TRPM3: variants seen among roughly 807,000 people sequenced by gnomAD.
The protein encoded by TRPM3 is transient receptor potential cation channel subfamily M member 3, also known as long transient receptor potential channel 3.
TRPM3 carries 77 observed loss-of-function variants against 181.2 expected under a neutral mutation model. The ratio of observed to expected loss-of-function variants is 0.42; its 90% CI spans 0.35 to 0.51. The LOEUF (loss-of-function observed/expected upper bound fraction) is 0.51, where lower values mean the gene tolerates loss of function less well. TRPM3 is among the 20% of genes least tolerant of loss of function. The pLI, the probability that TRPM3 is intolerant of heterozygous loss-of-function variation, is 0.01. For missense variants in TRPM3, 1,759 were observed against 2,196.7 expected, an observed-to-expected ratio of 0.80 and a Z score of 3.98; for synonymous variants, 745 against 796.4, an observed-to-expected ratio of 0.94 and a Z score of 1.09.
chr9:71,130,533 G>A (rs2134453437), intron 1 of TRPM3, among the ~76,000 whole-genome samples: 1 of 152,062 alleles, frequency 6.6e-6, no homozygotes, highest in East Asian at 1.9e-4. Flanking sequence ...AGTATTTAGG[G>A]AGAAAATAAA....
chr9:70,954,495 A>G (rs189093046), intron 1 of TRPM3, among the ~76,000 whole-genome samples: 2 of 152,220 alleles, frequency 1.3e-5, no homozygotes, highest in East Asian at 3.9e-4. Flanking sequence ...TATTAACATC[A>G]GTGATTTGGG....
chr9:70,629,329 T>A (rs1490776940), intron 12 of TRPM3, among the ~76,000 whole-genome samples: 1 of 151,266 alleles, frequency 6.6e-6, no homozygotes, highest in Non-Finnish European at 1.5e-5. Flanking sequence ...TTCCGTTTTT[T>A]GTTTTGTTTT....
chr9:70,638,190 G>A (rs1461920361), intron 11 of TRPM3, among the ~76,000 whole-genome samples: 3 of 152,046 alleles, frequency 2.0e-5, no homozygotes, highest in Non-Finnish European at 1.5e-5. Context: ...TCTGGAGAAT[G>A]GCAAAACAAG....
chr9:71,250,797 G>C (rs1183311393), intron 1 of TRPM3, among the ~76,000 whole-genome samples: 1 of 152,162 alleles, frequency 6.6e-6, no homozygotes, highest in African/African-American at 2.4e-5. Flanking sequence ...AGATTCATTG[G>C]GGGAGGGGAG....
upstream of TRPM3, among the ~76,000 whole-genome samples, chr9:71,125,629 C>T (rs1208610276): frequency 1.3e-5 from 2 of 152,012 alleles, no homozygotes; most frequent in African/African-American, 4.8e-5. Flanking sequence ...CATGTCTTTG[C>T]TATTGTGAGT....
chr9:71,038,195 T>G (rs187615868), intron 1 of TRPM3, among the ~76,000 whole-genome samples: 40 of 152,330 alleles, frequency 2.6e-4, no homozygotes, highest in Non-Finnish European at 5.4e-4. Flanking sequence ...AAGCGCATAT[T>G]AGGCATTTGA....
intron 7 of TRPM3, 104 bp downstream of exon 7, chr9:70,784,001 T>C: frequency 6.7e-7 from 1 of 1,492,410 alleles, no homozygotes; most frequent in South Asian, 1.4e-5. Flanking sequence ...CATAGCTTGT[T>C]TTGATTTGAG....
chr9:70,610,629 C>T lies in TRPM3; in HGVS notation c.2647G>A (p.Val883Met), dbSNP rs2061866843. Residue 883 changes from valine to methionine, a missense_variant, in exon 19 of 26, where the codon GTG (valine) becomes ATG (methionine). By Grantham distance (21) the Val-to-Met change is conservative. Transcript: ENST00000677713. ...CTTACTGTGTAGAACCAGAACTTCACGATGGGTGCATTGTAGAATTCATAG... is the reference window on the plus strand; with the variant it reads ...CTTACTGTGTAGAACCAGAACTTCATGATGGGTGCATTGTAGAATTCATAG... ...KIYEFYNAPI[V>M]KFWFYTLAYI... is the part of the protein sequence containing the mutation. 4 of 1,614,078 alleles carry T rather than the reference C, an allele frequency of 2.5e-6. No homozygotes were observed. Among genetic ancestry groups the T allele is most frequent in the Non-Finnish European group, 3.4e-6 (4 of 1,179,976 alleles).
intron 1 of TRPM3, among the ~76,000 whole-genome samples, chr9:70,977,434 C>T (rs1190553129): frequency 6.6e-6 from 1 of 152,166 alleles, no homozygotes; most frequent in African/African-American, 2.4e-5. Context: ...ACGCCTGGCC[C>T]AGTCTGAACT....
chr9:71,444,517 T>C (rs1430500725), intron 1 of TRPM3, among the ~76,000 whole-genome samples: 3 of 152,186 alleles, frequency 2.0e-5, no homozygotes, highest in Admixed American at 6.5e-5. Flanking sequence ...AGCTACATTA[T>C]GGAATATCTT....
chr9:70,550,049 T>G (rs1381551702), intron 24 of TRPM3, among the ~76,000 whole-genome samples: 4 of 152,192 alleles, frequency 2.6e-5, no homozygotes, highest in African/African-American at 9.7e-5. Context: ...CATTGTTGAT[T>G]GGCCTTACTA....
chr9:70,556,494 G>A (rs2047740493), intron 22 of TRPM3, among the ~76,000 whole-genome samples: 1 of 152,042 alleles, frequency 6.6e-6, no homozygotes, highest in Non-Finnish European at 1.5e-5. Flanking sequence ...GGCCGAGGTG[G>A]GTGGATCACC....
chr9:71,213,890 T>C (rs1303810585), intron 1 of TRPM3, among the ~76,000 whole-genome samples: 3 of 152,216 alleles, frequency 2.0e-5, no homozygotes, highest in Non-Finnish European at 4.4e-5. Context: ...AACAAACATA[T>C]AATAGGATCT....
chr9:71,216,922 A>C (rs2079903924), intron 1 of TRPM3, among the ~76,000 whole-genome samples: 1 of 146,578 alleles, frequency 6.8e-6, no homozygotes. Flanking sequence ...GCACAAGCAT[A>C]GTCAGTGGCC....
chr9:70,621,034 A>G (rs1164473070), intron 15 of TRPM3, among the ~76,000 whole-genome samples: 1 of 145,954 alleles, frequency 6.9e-6, no homozygotes, highest in East Asian at 2.0e-4. Context: ...TTATATATAT[A>G]TAATATATAC....
chr9:71,303,472 G>T (rs1319157116), intron 1 of TRPM3, among the ~76,000 whole-genome samples: 2 of 152,208 alleles, frequency 1.3e-5, no homozygotes, highest in African/African-American at 4.8e-5. Context: ...TCAAGATGGA[G>T]TATTAGAGAA....
chr9:71,006,716 A>C (rs1463400803), intron 1 of TRPM3, among the ~76,000 whole-genome samples: 1 of 151,728 alleles, frequency 6.6e-6, no homozygotes, highest in East Asian at 1.9e-4. Flanking sequence ...CTAAAAATAC[A>C]AAAAATTAGC....
chr9:70,988,204 AG>A (rs779750556), intron 1 of TRPM3, among the ~76,000 whole-genome samples: 14 of 152,172 alleles, frequency 9.2e-5, no homozygotes, highest in Non-Finnish European at 1.8e-4. Flanking sequence ...AGTGAATCAG[AG>A]CCTAGAAATG....
chr9:71,053,469 A>G (rs759708879), intron 1 of TRPM3, among the ~76,000 whole-genome samples: 12 of 152,226 alleles, frequency 7.9e-5, no homozygotes, highest in Non-Finnish European at 1.5e-4. Flanking sequence ...TCTTCTCCCA[A>G]TGTCATCCAG....
Sources: gnomAD v4.1 joint callset for allele counts (sites outside exome capture counted in the v4.1 genomes callset) on GRCh38, gnomAD v4.1.1 for gene constraint, MANE v1.5 for transcripts, NCBI Gene and HGNC (gene_info 2026-07-23, HGNC 2026-07-21) for gene names.